HGS: variants seen among roughly 807,000 people sequenced by gnomAD.
The protein encoded by HGS is human growth factor-regulated tyrosine kinase substrate.
HGS carries 63 observed loss-of-function variants against 109.7 expected under a neutral mutation model. The ratio of observed to expected loss-of-function variants is 0.57; its 90% CI spans 0.47 to 0.71. The LOEUF (loss-of-function observed/expected upper bound fraction) is 0.71. Ranked by LOEUF, HGS falls within the 30% of genes least tolerant of loss-of-function variation. HGS has a pLI of 0.00. For synonymous variants in HGS, 546 were observed against 437.3 expected (o/e 1.25, Z -3.10); for missense variants, 995 against 1,068.3 (o/e 0.93, Z 0.96).
At position 81,693,740 on chromosome 17, in the gene HGS, G is replaced by A. The variant is rs1382657979; in HGVS notation, c.828G>A (p.Glu276=). ...CGCTGTCACAGTCAGAGGCGGAGGA[G>A]AAGGAGAGGCTGGTAAGCCGGGTGG... The part of the protein sequence containing the change: ...ALALSQSEAE[E]KERLRQKSTY... The change falls in exon 10 of 22, where the codon GAG becomes GAA. Residue 276 remains glutamate, a synonymous_variant. Transcript: ENST00000329138. 7.1e-6 allele frequency: 11 copies of A among 1,554,896 alleles called. No individual in the cohort carries two copies. Among genetic ancestry groups the A allele is most frequent in the African/African-American group, 1.4e-5 (1 of 73,476 alleles).
chr17:81,684,449 G>A (rs1568210561), intron 1 of HGS: 1 of 259,740 alleles, frequency 3.9e-6, no homozygotes, highest in Admixed American at 5.5e-5. Flanking sequence ...CATGAAAGTG[G>A]GTGACTCAGT....
Position 81,696,011 on chromosome 17 carries a change from C to T in HGS, c.1393+12C>T, listed in dbSNP as rs541698870. The T allele has an allele frequency of 2.7e-5, 41 of 1,536,716 alleles. No homozygotes were observed. The highest frequency in any genetic ancestry group is 5.0e-5 in the South Asian group (4 of 80,034). Reference sequence around the variant, plus strand: ...GGACGAGCGCAGGCGTAGGTGCCCGCGCCACGGGGCCTCGGCTCAGGGGCA... The same window carrying T: ...GGACGAGCGCAGGCGTAGGTGCCCGTGCCACGGGGCCTCGGCTCAGGGGCA... On this transcript the variant is annotated intron_variant, in intron 15 of 21. Coordinates refer to ENST00000329138, the MANE Select transcript of HGS (RefSeq NM_004712.5).
chr17:81,695,270 G>A, intron 14 of HGS, 47 bp downstream of exon 14: 1 of 1,587,946 alleles, frequency 6.3e-7, no homozygotes, highest in Non-Finnish European at 8.6e-7. Flanking sequence ...ATGGCCTCCT[G>A]GCCCACAGCG....
At chr17:81,688,594 G>C (rs1364663314) in intron 4 of HGS, 110 bp from the exon 5 acceptor site, 1 of 1,401,304 alleles carries the variant, frequency 7.1e-7, no homozygotes, top group African/African-American at 1.4e-5. Flanking sequence ...CCTGGCCTCT[G>C]TGTCAGCCCC....
intron 4 of HGS, among the ~76,000 whole-genome samples, chr17:81,687,781 C>T (rs1482973246): frequency 1.3e-5 from 2 of 152,088 alleles, no homozygotes; most frequent in East Asian, 3.9e-4. Flanking sequence ...CTGTCCCAAC[C>T]TGTGGGCCAG....
At chr17:81,690,556 T>G in intron 6 of HGS, 118 bp from the exon 7 acceptor site, 1 of 1,014,328 alleles carries the variant, frequency 9.9e-7, no homozygotes, top group Admixed American at 2.5e-5. Context: ...GGGGCATTGC[T>G]CTCGCTCGTG....
chr17:81,696,642 G>A lies in HGS; in HGVS notation c.1602G>A (p.Gln534=), dbSNP rs910931680. Residue 534 remains glutamine (Q), a synonymous_variant, in exon 17 of 22, where the codon CAG becomes CAA. Transcript: ENST00000329138. ...YLEVQRQLAI[Q]RLQEQEKERQ... ...AGGTGCAGAGGCAGCTGGCCATCCA[G>A]CGCCTGCAGGAGCAGGAGAAGGAGC... is the stretch of plus-strand genomic sequence containing the variant. The A allele has an allele frequency of 6.2e-7, 1 of 1,611,470 alleles. No homozygotes were observed. Among genetic ancestry groups the A allele is most frequent in the Non-Finnish European group, 8.5e-7 (1 of 1,179,232 alleles).
intron 18 of HGS, among the ~76,000 whole-genome samples, chr17:81,699,947 C>T (rs1316073412): frequency 1.3e-5 from 2 of 151,834 alleles, no homozygotes; most frequent in Admixed American, 6.6e-5. Flanking sequence ...TGGTGGTGCA[C>T]GCCTGTAATC....
At chr17:81,694,427 G>A (rs1304861289) in intron 11 of HGS, among the ~76,000 whole-genome samples, 2 of 152,226 alleles carry the variant, frequency 1.3e-5, no homozygotes, top group Non-Finnish European at 2.9e-5. Flanking sequence ...TGCAGGCCCA[G>A]GGGTGCAGAA....
At chr17:81,690,131 G>A (rs1395906148) in intron 5 of HGS, 51 bp from the exon 6 acceptor site, 4 of 1,587,636 alleles carry the variant, frequency 2.5e-6, no homozygotes, top group Non-Finnish European at 3.4e-6. Flanking sequence ...GCTCCCGGAA[G>A]TCTTGCAGGC....
intron 5 of HGS, 101 bp from the exon 6 acceptor site, chr17:81,690,081 C>A: frequency 7.7e-7 from 1 of 1,293,880 alleles, no homozygotes; most frequent in South Asian, 1.4e-5. Context: ...CTTGGGTGCA[C>A]GGTCACTGCT....
chr17:81,700,912 C>T, intron 20 of HGS, 98 bp downstream of exon 20: 1 of 1,544,778 alleles, frequency 6.5e-7, no homozygotes, highest in Non-Finnish European at 8.9e-7. Context: ...GGGTGGGCTC[C>T]ACCCCTTCTG....
intron 9 of HGS, 27 bp downstream of exon 9, chr17:81,693,608 C>A: frequency 6.4e-7 from 1 of 1,554,528 alleles, no homozygotes. Flanking sequence ...GTCCCGTGGG[C>A]ACCTCTTCCC....
At chr17:81,700,625 C>T in intron 19 of HGS, 25 bp downstream of exon 19, 1 of 1,593,010 alleles carries the variant, frequency 6.3e-7, no homozygotes, top group South Asian at 1.1e-5. Context: ...CGCTCCTCTC[C>T]TTCCAGGGCC....
Position 81,695,167 on chromosome 17 carries a change from C to A in HGS, c.1123C>A (p.Pro375Thr), listed in dbSNP as rs763224220. The A allele has an allele frequency of 6.2e-6, 10 of 1,614,170 alleles. No homozygotes were observed. Among genetic ancestry groups the A allele is most frequent in the Non-Finnish European group, 8.5e-6 (10 of 1,179,992 alleles). Reference protein sequence around the residue: ...HAAPTNVVENPLPETDSQPIP... With the variant: ...HAAPTNVVENTLPETDSQPIP... ...CCACTCATTCTCTCTCTTCCAGAAC[C>A]CCCTCCCGGAGACAGACTCTCAGCC... Residue 375 changes from proline to threonine, a missense_variant, in exon 14 of 22, where the codon CCC (proline) becomes ACC (threonine). This residue lies in a region of HGS where 300 missense variants were observed against 235.4 expected (regional missense o/e 1.27). Coordinates refer to ENST00000329138, the MANE Select transcript of HGS (RefSeq NM_004712.5).
At chr17:81,692,176 T>C (rs1198754326) in intron 8 of HGS, 1 of 153,092 alleles carries the variant, frequency 6.5e-6, no homozygotes, top group East Asian at 1.9e-4. Context: ...TGCTCTGTGG[T>C]CCACGTTCCA....
In HGS at chr17:81,684,172, C is replaced by G. The variant is rs1003793886; in HGVS notation, c.37+69C>G. On this transcript the variant is annotated intron_variant, in intron 1 of 21. Coordinates refer to ENST00000329138, the MANE Select transcript of HGS (RefSeq NM_004712.5). ...GCCTCCGCCCGGCGCTGAGTCAGCGCGGCCCCGAGGGCCCGAGGGGCGCGG... is the reference window on the plus strand; with the variant it reads ...GCCTCCGCCCGGCGCTGAGTCAGCGGGGCCCCGAGGGCCCGAGGGGCGCGG... 8.1e-6 allele frequency: 11 copies of G among 1,350,112 alleles called. No individual in the cohort carries two copies. In the African/African-American group the frequency reaches 1.7e-4, roughly 21 times the overall value. The allele number at this position is 1,350,112 out of a possible 1,614,324, so 83.6% of individuals were successfully genotyped here. A position where few individuals can be genotyped will look rare whatever the true frequency, so the allele number is the denominator to read the frequency against.
At chr17:81,692,885 C>T (rs12937833) in intron 8 of HGS, 7,553 of 152,126 alleles carry the variant, frequency 0.05, 302 homozygotes, top group East Asian at 0.22. Flanking sequence ...GTGGCAGATG[C>T]CTGTAGTCCC....
In HGS at chr17:81,686,401, C is replaced by G. The variant is rs766710848; in HGVS notation, c.198+14C>G. On this transcript the variant is annotated intron_variant, in intron 3 of 21. Coordinates refer to ENST00000329138, the MANE Select transcript of HGS (RefSeq NM_004712.5). The stretch of plus-strand genomic sequence containing the variant: ...TATGCCCTGGAGGTAAGCAGACCCC[C>G]GTGCCTCAGTGGCCCCCAGGGTCCC... 2 of 1,609,388 alleles carry G rather than the reference C, an allele frequency of 1.2e-6. No homozygotes were observed. The highest frequency in any genetic ancestry group is 8.5e-7 in the Non-Finnish European group (1 of 1,176,252).
Sources: allele counts gnomAD v4.1 joint callset (sites outside exome capture counted in the v4.1 genomes callset), GRCh38; gene constraint gnomAD v4.1.1; regional missense constraint gnomAD v4.1.1; transcripts MANE v1.5; gene names NCBI Gene and HGNC (gene_info 2026-07-23, HGNC 2026-07-21).